Variants in CFAP299 observed in about 807,000 individuals in gnomAD.
CFAP299 encodes cilia and flagella associated protein 299, also known as cilia- and flagella-associated protein 299.
In CFAP299, 21 loss-of-function variants were observed where a neutral mutation model predicts 27.0. The observed-to-expected ratio is 0.78, with a 90% CI of 0.55 to 1.12. The LOEUF (loss-of-function observed/expected upper bound fraction) is 1.12, where lower values mean the gene tolerates loss of function less well. CFAP299 is among the 50% of genes most tolerant of loss of function. CFAP299 has a pLI of 0.00. For synonymous variants in CFAP299, 104 were observed against 98.1 expected (o/e 1.06, Z -0.36); for missense variants, 310 against 276.6 (o/e 1.12, Z -0.86).
intron 2 of CFAP299, among the ~76,000 whole-genome samples, chr4:80,486,682 A>G (rs1730834094): frequency 6.6e-6 from 1 of 152,234 alleles, no homozygotes; most frequent in Non-Finnish European, 1.5e-5. Flanking sequence ...CTCTGTCAGT[A>G]CACCCTACCT....
intron 4 of CFAP299, among the ~76,000 whole-genome samples, chr4:80,882,568 G>A (rs1296149493): frequency 6.6e-6 from 1 of 151,974 alleles, no homozygotes; most frequent in East Asian, 1.9e-4. Flanking sequence ...AACCCGGGAG[G>A]CGGAGCTTGC....
intron 3 of CFAP299, among the ~76,000 whole-genome samples, chr4:80,684,280 G>T (rs1013928338): frequency 9.9e-5 from 15 of 151,404 alleles, no homozygotes; most frequent in South Asian, 6.3e-4. Context: ...TTTTTGGGGG[G>T]GGGGGACGGA....
chr4:80,832,685 A>G (rs1730359903), intron 3 of CFAP299, among the ~76,000 whole-genome samples: 1 of 151,970 alleles, frequency 6.6e-6, no homozygotes, highest in South Asian at 2.1e-4. Flanking sequence ...TCATTTTCGG[A>G]GGTATAGCGT....
chr4:80,845,062 T>C (rs555985658), intron 3 of CFAP299, among the ~76,000 whole-genome samples: 2 of 152,182 alleles, frequency 1.3e-5, no homozygotes, highest in African/African-American at 2.4e-5. Flanking sequence ...ATCAGATAGT[T>C]GTAGATATGT....
chr4:80,376,639 T>C (rs559234879), intron 2 of CFAP299, among the ~76,000 whole-genome samples: 8 of 152,272 alleles, frequency 5.3e-5, no homozygotes, highest in African/African-American at 1.9e-4. Flanking sequence ...CTAATGATGC[T>C]GAACATCTTT....
intron 4 of CFAP299, among the ~76,000 whole-genome samples, chr4:80,883,018 T>C (rs1733786742): frequency 6.6e-6 from 1 of 152,080 alleles, no homozygotes; most frequent in African/African-American, 2.4e-5. Flanking sequence ...TAAAATATAA[T>C]AATGGTGATG....
intron 3 of CFAP299, among the ~76,000 whole-genome samples, chr4:80,671,010 T>A (rs1024257642): frequency 6.6e-6 from 1 of 152,154 alleles, no homozygotes; most frequent in Admixed American, 6.5e-5. Flanking sequence ...CGCATTTGTC[T>A]ATTTTGGCTT....
intron 4 of CFAP299, among the ~76,000 whole-genome samples, chr4:80,879,234 G>A (rs1332355595): frequency 6.6e-6 from 1 of 152,110 alleles, no homozygotes; most frequent in Non-Finnish European, 1.5e-5. Flanking sequence ...GGAAGAATTT[G>A]TGCAGTGGTC....
At chr4:80,622,894 T>C (rs1323260388) in intron 3 of CFAP299, among the ~76,000 whole-genome samples, 1 of 152,194 alleles carries the variant, frequency 6.6e-6, no homozygotes, top group African/African-American at 2.4e-5. Context: ...TCTCGCTCAA[T>C]CAATTTTCTC....
chr4:80,683,614 G>A (rs1028093085), intron 3 of CFAP299, among the ~76,000 whole-genome samples: 2 of 151,992 alleles, frequency 1.3e-5, no homozygotes, highest in African/African-American at 4.8e-5. Flanking sequence ...TGTTCCATAT[G>A]TTTACTACTT....
intron 4 of CFAP299, among the ~76,000 whole-genome samples, chr4:80,912,221 T>C (rs899681510): frequency 1.3e-5 from 2 of 152,158 alleles, no homozygotes; most frequent in African/African-American, 4.8e-5. Context: ...ATATAAGATA[T>C]AGTGCCTCTT....
chr4:80,639,659 A>C (rs1194247384), intron 3 of CFAP299: 3 of 150,966 alleles, frequency 2.0e-5, no homozygotes, highest in African/African-American at 7.4e-5. Flanking sequence ...AAGAATGCAG[A>C]GTTATGTTTT....
rs142320720 is a variant in CFAP299, at chr4:80,507,150, G to C, written c.243-75943G>C. Among the ~76,000 whole-genome samples the C allele has an allele frequency of 5.0e-3, 766 of 152,174 alleles. 6 individuals are homozygous for C. The highest frequency in any genetic ancestry group is 0.017 in the Middle Eastern group (5 of 294). Reference sequence around the variant, plus strand: ...TTATGGCTGCTCATACTCTCATGGAGGCTTATTTCTTATAGTAAGCATGTA... The same window carrying C: ...TTATGGCTGCTCATACTCTCATGGACGCTTATTTCTTATAGTAAGCATGTA... On this transcript the variant is annotated intron_variant, in intron 2 of 5. Transcript: ENST00000358105.
At chr4:80,726,553 A>C (rs1334417588) in intron 3 of CFAP299, among the ~76,000 whole-genome samples, 14 of 151,952 alleles carry the variant, frequency 9.2e-5, no homozygotes, top group Admixed American at 9.2e-4. Context: ...ATGGAAAGGA[A>C]AAGAAACTGT....
chr4:80,926,985 A>G (rs1190775337), intron 4 of CFAP299, among the ~76,000 whole-genome samples: 1 of 152,106 alleles, frequency 6.6e-6, no homozygotes. Flanking sequence ...ACAGGCTGCA[A>G]CAAATAACTG....
intron 4 of CFAP299, among the ~76,000 whole-genome samples, chr4:80,928,651 C>T (rs1368177134): frequency 6.6e-6 from 1 of 151,886 alleles, no homozygotes; most frequent in African/African-American, 2.4e-5. Context: ...TATATTAAGC[C>T]AAATAATGTT....
rs1208322596 is a variant in CFAP299, at chr4:80,390,720, C to CATATGT, written c.242+27839_242+27840insTGTATA. On this transcript the variant is annotated intron_variant, in intron 2 of 5. Transcript: ENST00000358105. ...GTATATATGTATATATGTATACACACATACATGTATATATGTATATATGTA... is the reference window on the plus strand; with the variant it reads ...GTATATATGTATATATGTATACACACATATGTATACATGTATATATGTATATATGTA... Among the ~76,000 whole-genome samples, 144 of 138,166 alleles carry CATATGT rather than the reference C, an allele frequency of 1.0e-3. 3 individuals are homozygous for CATATGT. Among genetic ancestry groups the CATATGT allele is most frequent in the African/African-American group, 3.6e-3 (131 of 35,902 alleles). 90.6% of individuals were successfully genotyped at this position (138,166 alleles called of 152,430 possible). A position where few individuals can be genotyped will look rare whatever the true frequency, so the allele number is the denominator to read the frequency against.
At chr4:80,514,611 A>T (rs983583121) in intron 2 of CFAP299, among the ~76,000 whole-genome samples, 2 of 152,088 alleles carry the variant, frequency 1.3e-5, no homozygotes, top group African/African-American at 4.8e-5. Context: ...TTTGTATGAC[A>T]TCAAAGACCA....
intron 4 of CFAP299, among the ~76,000 whole-genome samples, chr4:80,929,797 A>G (rs1736514788): frequency 6.6e-6 from 1 of 152,174 alleles, no homozygotes; most frequent in African/African-American, 2.4e-5. Context: ...CCTGCAGAAT[A>G]AAGTTCATAT....
Sources: allele counts gnomAD v4.1 joint callset (sites outside exome capture counted in the v4.1 genomes callset), GRCh38; gene constraint gnomAD v4.1.1; transcripts MANE v1.5; gene names NCBI Gene and HGNC (gene_info 2026-07-23, HGNC 2026-07-21).